Variants in SLC24A2 observed in about 807,000 individuals in gnomAD.
The protein encoded by SLC24A2 is solute carrier family 24 member 2.
Under a neutral mutation model 62.0 loss-of-function variants are expected in SLC24A2, and 36 were observed. The observed-to-expected ratio is 0.58, with a 90% CI of 0.44 to 0.77. SLC24A2 has a LOEUF of 0.77. SLC24A2 is among the 30% of genes least tolerant of loss of function. SLC24A2 has a pLI of 0.00. For missense variants in SLC24A2, 846 were observed against 817.9 expected (o/e 1.03, Z -0.42); for synonymous variants, 358 against 294.0 (o/e 1.22, Z -2.23).
chr9:20,197,135 A>G, the SLC24A2 span, among the ~76,000 whole-genome samples: 1 of 152,174 alleles, frequency 6.6e-6, no homozygotes, highest in South Asian at 2.1e-4. Flanking sequence ...TGGAATGAAG[A>G]TCTCATACTA....
At chr9:20,252,517 A>G in the SLC24A2 span, among the ~76,000 whole-genome samples, 1 of 152,184 alleles carries the variant, frequency 6.6e-6, no homozygotes, top group South Asian at 2.1e-4. Flanking sequence ...AAAATGCTCA[A>G]CAGGGATAGA....
chr9:20,108,396 C>G, the SLC24A2 span, among the ~76,000 whole-genome samples: 15,984 of 152,004 alleles, frequency 0.11, 1,518 homozygotes, highest in East Asian at 0.53. Flanking sequence ...GACACATGCA[C>G]ACGTATGTTT....
At chr9:19,791,859 G>C (rs1050227542), upstream of SLC24A2, among the ~76,000 whole-genome samples, 3 of 152,190 alleles carry the variant, frequency 2.0e-5, no homozygotes, top group African/African-American at 7.2e-5. Flanking sequence ...TATATTTGTA[G>C]ATACTTGTGT....
chr9:20,116,720 A>G, the SLC24A2 span, among the ~76,000 whole-genome samples: 2 of 152,198 alleles, frequency 1.3e-5, no homozygotes, highest in South Asian at 4.1e-4. Context: ...AAATGAGAGA[A>G]TGGATGCATA....
chr9:20,271,105 C>G, the SLC24A2 span, among the ~76,000 whole-genome samples: 1 of 152,202 alleles, frequency 6.6e-6, no homozygotes, highest in Non-Finnish European at 1.5e-5. Context: ...TTATTGTCTC[C>G]AAGGAGTCCT....
At chr9:19,517,004 G>C (rs1832963085) in intron 10 of SLC24A2, among the ~76,000 whole-genome samples, 1 of 152,120 alleles carries the variant, frequency 6.6e-6, no homozygotes, top group African/African-American at 2.4e-5. Flanking sequence ...TTTAAGGAAG[G>C]CAGTATCTTA....
At chr9:19,820,024 TACAC>T in the SLC24A2 span, among the ~76,000 whole-genome samples, 69 of 60,298 alleles carry the variant, frequency 1.1e-3, no homozygotes, top group African/African-American at 2.6e-3. Context: ...TATATATATA[TACAC>T]ATATATATAT....
chr9:20,301,009 G>A, the SLC24A2 span, among the ~76,000 whole-genome samples: 2 of 152,114 alleles, frequency 1.3e-5, no homozygotes, highest in Non-Finnish European at 2.9e-5. Flanking sequence ...AGAGTCCCAG[G>A]AAAACCACAA....
intron 10 of SLC24A2, among the ~76,000 whole-genome samples, chr9:19,520,497 C>G (rs1446261935): frequency 6.6e-6 from 1 of 152,124 alleles, no homozygotes; most frequent in African/African-American, 2.4e-5. Flanking sequence ...CCTATGTTTT[C>G]CCCAATCTGC....
the SLC24A2 span, among the ~76,000 whole-genome samples, chr9:19,838,226 G>C: frequency 2.0e-5 from 3 of 152,138 alleles, no homozygotes; most frequent in African/African-American, 7.2e-5. Flanking sequence ...CAGAGGTATA[G>C]ACCAATGGAA....
chr9:19,701,986 A>G (rs1820369839), intron 2 of SLC24A2, among the ~76,000 whole-genome samples: 1 of 152,218 alleles, frequency 6.6e-6, no homozygotes, highest in African/African-American at 2.4e-5. Context: ...AGGTACATAG[A>G]GTCAGAATCT....
chr9:20,244,375 C>T, the SLC24A2 span, among the ~76,000 whole-genome samples: 1 of 152,142 alleles, frequency 6.6e-6, no homozygotes, highest in African/African-American at 2.4e-5. Flanking sequence ...ATCAGAAAGA[C>T]AGCCTTTAAG....
the SLC24A2 span, among the ~76,000 whole-genome samples, chr9:19,907,473 C>A: frequency 6.6e-6 from 1 of 152,128 alleles, no homozygotes; most frequent in Admixed American, 6.5e-5. Context: ...GAAGTTCTAG[C>A]CAGGGCAATC....
At chr9:19,851,841 T>C in the SLC24A2 span, among the ~76,000 whole-genome samples, 9 of 152,228 alleles carry the variant, frequency 5.9e-5, no homozygotes, top group African/African-American at 7.2e-5. Context: ...TTTGGGTATA[T>C]ACCCAGTAAT....
At chr9:19,992,452 T>C in the SLC24A2 span, among the ~76,000 whole-genome samples, 22 of 152,368 alleles carry the variant, frequency 1.4e-4, no homozygotes, top group African/African-American at 5.3e-4. Flanking sequence ...AAAATATATC[T>C]ACCTCTGGGT....
the SLC24A2 span, among the ~76,000 whole-genome samples, chr9:20,227,983 T>A: frequency 6.6e-6 from 1 of 152,164 alleles, no homozygotes; most frequent in South Asian, 2.1e-4. Flanking sequence ...CCCTCCAGAA[T>A]AGAATCTTCA....
intron 2 of SLC24A2, among the ~76,000 whole-genome samples, chr9:19,664,095 T>C (rs953453993): frequency 5.3e-5 from 8 of 152,224 alleles, no homozygotes; most frequent in Admixed American, 1.3e-4. Flanking sequence ...CAGCTTAGTC[T>C]GAAGTCACAT....
chr9:19,628,080 C>T (rs141151424), intron 2 of SLC24A2, among the ~76,000 whole-genome samples: 6 of 152,284 alleles, frequency 3.9e-5, no homozygotes, highest in African/African-American at 1.4e-4. Flanking sequence ...CTTCAGTTAG[C>T]CTCCCTAATA....
intron 2 of SLC24A2, among the ~76,000 whole-genome samples, chr9:19,747,762 GCA>G (rs2118795101): frequency 6.6e-6 from 1 of 152,264 alleles, no homozygotes; most frequent in South Asian, 2.1e-4. Flanking sequence ...ACTTGTGATG[GCA>G]CAGACATGTA....
Sources: allele counts gnomAD v4.1 joint callset (sites outside exome capture counted in the v4.1 genomes callset), GRCh38; gene constraint gnomAD v4.1.1; transcripts MANE v1.5; gene names NCBI Gene and HGNC (gene_info 2026-07-23, HGNC 2026-07-21).